Variants in CGNL1 observed in about 807,000 individuals in gnomAD.
The protein encoded by CGNL1 is cingulin-like protein 1.
A neutral mutation model predicts 141.2 loss-of-function variants in CGNL1; 132 were observed. The observed-to-expected ratio is 0.93, with a 90% CI of 0.81 to 1.08. CGNL1 has a LOEUF of 1.08. CGNL1 is among the 50% of genes least tolerant of loss of function. The pLI, the probability that CGNL1 is intolerant of heterozygous loss-of-function variation, is 0.00. For synonymous variants in CGNL1, 690 were observed against 622.1 expected (o/e 1.11, Z -1.63); for missense variants, 1,870 against 1,588.6 (o/e 1.18, Z -3.01).
At chr15:57,510,807 C>A (rs1230695188) in intron 8 of CGNL1, among the ~76,000 whole-genome samples, 1 of 152,136 alleles carries the variant, frequency 6.6e-6, no homozygotes, top group Non-Finnish European at 1.5e-5. Flanking sequence ...GCCATCTGGG[C>A]CTTTTCCACT....
chr15:57,478,676 TCA>T (rs2099421046), intron 8 of CGNL1, among the ~76,000 whole-genome samples: 1 of 152,224 alleles, frequency 6.6e-6, no homozygotes, highest in Admixed American at 6.5e-5. Context: ...TCTCGCACTG[TCA>T]CCCAGGCTGT....
intron 7 of CGNL1, 107 bp downstream of exon 7, chr15:57,453,925 C>T: frequency 7.9e-7 from 1 of 1,264,652 alleles, no homozygotes; most frequent in Non-Finnish European, 1.1e-6. Flanking sequence ...TGCACACCTG[C>T]TCCACCTGTG....
intron 8 of CGNL1, among the ~76,000 whole-genome samples, chr15:57,494,271 G>C (rs1490988177): frequency 6.6e-6 from 1 of 152,164 alleles, no homozygotes; most frequent in East Asian, 1.9e-4. Flanking sequence ...GAGTGGGGAG[G>C]GGTTGAGAAG....
intron 8 of CGNL1, among the ~76,000 whole-genome samples, chr15:57,477,815 C>G (rs1204236925): frequency 3.9e-5 from 6 of 152,154 alleles, no homozygotes; most frequent in Non-Finnish European, 2.9e-5. Context: ...CTGTAGCTGT[C>G]TTAGTGACCC....
chr15:57,534,228 C>A (rs576553333), intron 14 of CGNL1, among the ~76,000 whole-genome samples: 1 of 152,378 alleles, frequency 6.6e-6, no homozygotes, highest in South Asian at 2.1e-4. Flanking sequence ...CTCTTTCCCT[C>A]TTCTGTTTTC....
intron 8 of CGNL1, among the ~76,000 whole-genome samples, chr15:57,466,368 C>T (rs774078970): frequency 6.6e-6 from 1 of 152,208 alleles, no homozygotes; most frequent in Non-Finnish European, 1.5e-5. Context: ...ACCTTGTTCA[C>T]AGCCGTTGGC....
At chr15:57,531,463 T>C (rs1900515868) in intron 13 of CGNL1, among the ~76,000 whole-genome samples, 1 of 152,260 alleles carries the variant, frequency 6.6e-6, no homozygotes, top group Non-Finnish European at 1.5e-5. Flanking sequence ...TTTATGTGTT[T>C]TCTACATAAA....
intron 14 of CGNL1, among the ~76,000 whole-genome samples, chr15:57,534,234 TTTTC>T (rs772085244): frequency 1.3e-5 from 2 of 152,248 alleles, no homozygotes; most frequent in Non-Finnish European, 2.9e-5. Flanking sequence ...CCCTCTTCTG[TTTTC>T]TTTCTTCTCA....
intron 1 of CGNL1, among the ~76,000 whole-genome samples, chr15:57,401,480 G>A (rs117683569): frequency 1.4e-4 from 22 of 152,254 alleles, no homozygotes; most frequent in East Asian, 5.8e-4. Context: ...GCTGGTGCCC[G>A]AGTTCTAGCA....
At chr15:57,479,826 G>A (rs1461297558) in intron 8 of CGNL1, among the ~76,000 whole-genome samples, 1 of 152,150 alleles carries the variant, frequency 6.6e-6, no homozygotes, top group African/African-American at 2.4e-5. Context: ...GTGAGAAGAT[G>A]GGAGGTGGTG....
chr15:57,537,475 A>G (rs537891660), intron 14 of CGNL1, among the ~76,000 whole-genome samples: 1 of 152,086 alleles, frequency 6.6e-6, no homozygotes, highest in Non-Finnish European at 1.5e-5. Context: ...TCCTAATCTC[A>G]GAACTGCCTT....
chr15:57,518,006 A>C (rs1192302636), intron 9 of CGNL1, among the ~76,000 whole-genome samples: 1 of 152,036 alleles, frequency 6.6e-6, no homozygotes, highest in Non-Finnish European at 1.5e-5. Flanking sequence ...TAAAAAAAAA[A>C]AAAAATACCC....
Position 57,546,063 on chromosome 15 carries a change from T to A in CGNL1, c.3610-13T>A. ...ATCAGCCGGCACTCAGCCCACATTC[T>A]CTCCCGGTGCAGCTGAGCTTGCGTT... On this transcript the variant is annotated splice_polypyrimidine_tract_variant and intron_variant, in intron 17 of 18. Coordinates refer to ENST00000281282, the MANE Select transcript of CGNL1 (RefSeq NM_032866.5). The A allele has an allele frequency of 6.2e-7, 1 of 1,608,964 alleles. No individual in the cohort carries two copies. Among genetic ancestry groups the A allele is most frequent in the South Asian group, 1.1e-5 (1 of 90,112 alleles).
intron 8 of CGNL1, among the ~76,000 whole-genome samples, chr15:57,490,351 T>G (rs923087305): frequency 2.0e-5 from 3 of 151,904 alleles, no homozygotes; most frequent in African/African-American, 7.3e-5. Context: ...AGAAACCACA[T>G]TATAAAAACC....
chr15:57,378,322 T>G (rs529006116), intron 1 of CGNL1, among the ~76,000 whole-genome samples: 2 of 145,166 alleles, frequency 1.4e-5, no homozygotes, highest in South Asian at 2.3e-4. Context: ...TGACCACAAA[T>G]CAGTGGTTTT....
intron 14 of CGNL1, among the ~76,000 whole-genome samples, chr15:57,537,290 A>C (rs1275111928): frequency 4.6e-5 from 7 of 152,156 alleles, no homozygotes; most frequent in African/African-American, 1.7e-4. Flanking sequence ...TGCCTCGGCA[A>C]CTGCAGGATT....
At chr15:57,424,128 C>G (rs2062947660) in intron 1 of CGNL1, among the ~76,000 whole-genome samples, 1 of 152,248 alleles carries the variant, frequency 6.6e-6, no homozygotes, top group Non-Finnish European at 1.5e-5. Context: ...CTGCTCTGCC[C>G]TCCGCGTCTC....
rs771613284 is a variant in CGNL1 at position 57,528,736 on chromosome 15, C to A, written c.3122C>A (p.Thr1041Lys). The change falls in exon 13 of 19, where the codon ACG (threonine) becomes AAG (lysine). Residue 1041 changes from threonine (T) to lysine (K), a missense_variant. Coordinates refer to ENST00000281282, the MANE Select transcript of CGNL1 (RefSeq NM_032866.5). Reference sequence around the variant, plus strand: ...ACAAAAAGGCAGCTTCTGGAGCAGACGCTGAAGGACCTGGAGTATGAGCTG... The same window carrying A: ...ACAAAAAGGCAGCTTCTGGAGCAGAAGCTGAAGGACCTGGAGTATGAGCTG... ...ALTKRQLLEQ[T>K]LKDLEYELEA... 22 of 1,613,962 alleles carry A rather than the reference C, an allele frequency of 1.4e-5. No homozygotes were observed. The highest frequency in any genetic ancestry group is 1.8e-5 in the Non-Finnish European group (21 of 1,179,974).
chr15:57,517,062 G>A, intron 9 of CGNL1, 76 bp downstream of exon 9: 1 of 1,389,798 alleles, frequency 7.2e-7, no homozygotes, highest in South Asian at 1.2e-5. Context: ...TTCAAAAGTG[G>A]GGAAGGGATT....
Sources: gnomAD v4.1 joint callset for allele counts (sites outside exome capture counted in the v4.1 genomes callset) on GRCh38, gnomAD v4.1.1 for gene constraint, MANE v1.5 for transcripts, NCBI Gene and HGNC (gene_info 2026-07-23, HGNC 2026-07-21) for gene names.